Variants in KIF16B observed in about 807,000 individuals in gnomAD.
KIF16B encodes kinesin family member 16B.
Under a neutral mutation model 156.3 loss-of-function variants are expected in KIF16B, and 98 were observed. The ratio of observed to expected loss-of-function variants is 0.63; its 90% confidence interval spans 0.53 to 0.74. The LOEUF is 0.74. Ranked by LOEUF, KIF16B falls within the 30% of genes least tolerant of loss-of-function variation. The pLI is 0.00. For synonymous variants in KIF16B, 564 were observed against 583.7 expected (o/e 0.97, Z 0.49); for missense variants, 1,421 against 1,606.5 (o/e 0.88, Z 1.97).
rs752520933 is a variant in KIF16B at position 16,511,514 on chromosome 20, A to C, written c.460T>G (p.Tyr154Asp). The part of the protein sequence containing the change: ...FRTEVSYLEI[Y>D]NERVRDLLRR... ...AGTAGATCTCTCACACGTTCGTTATAAATTTCTAAGTAGCTAAAAATTTAA... is the reference window on the plus strand; with the variant it reads ...AGTAGATCTCTCACACGTTCGTTATCAATTTCTAAGTAGCTAAAAATTTAA... The change falls in exon 6 of 26, where the codon TAT becomes GAT. Residue 154 changes from tyrosine to aspartate, a missense_variant. Tyr to Asp is a radical substitution (Grantham distance 160). Transcript: ENST00000354981. The C allele has an allele frequency of 6.2e-7, 1 of 1,600,580 alleles. No homozygotes were observed. Among genetic ancestry groups the C allele is most frequent in the Non-Finnish European group, 8.5e-7 (1 of 1,173,148 alleles).
intron 25 of KIF16B, among the ~76,000 whole-genome samples, chr20:16,282,905 A>G (rs1274001348): frequency 6.6e-6 from 1 of 152,200 alleles, no homozygotes; most frequent in Admixed American, 6.5e-5. Flanking sequence ...GATGCTTATG[A>G]TGCCAGAGGA....
chr20:16,382,431 A>C (rs2065119892), intron 17 of KIF16B, among the ~76,000 whole-genome samples: 1 of 152,170 alleles, frequency 6.6e-6, no homozygotes, highest in South Asian at 2.1e-4. Flanking sequence ...TCAAACTAGC[A>C]CCTTTACTAC....
chr20:16,272,701 T>A lies in KIF16B; in HGVS notation c.*552A>T, dbSNP rs2063000850. ...CAGAATATGAAATTCTGTGTAAACATCAGTGTTTGGGTTTTATATAAAAGT... is the reference window on the plus strand; with the variant it reads ...CAGAATATGAAATTCTGTGTAAACAACAGTGTTTGGGTTTTATATAAAAGT... On this transcript the variant is annotated 3_prime_UTR_variant, in exon 26 of 26. Coordinates refer to ENST00000354981, the MANE Select transcript of KIF16B (RefSeq NM_024704.5). 1 of 152,726 alleles carries A rather than the reference T, an allele frequency of 6.5e-6. No individual in the cohort carries two copies. The highest frequency in any genetic ancestry group is 1.9e-4 in the East Asian group (1 of 5,196). 9.5% of individuals were successfully genotyped at this position (152,726 alleles called of 1,614,324 possible).
At chr20:16,406,275 G>T in intron 16 of KIF16B, 99 bp downstream of exon 16, 1 of 979,434 alleles carries the variant, frequency 1.0e-6, no homozygotes, top group Non-Finnish European at 1.6e-6. Context: ...CCACGGTTCT[G>T]CACCCCAGAA....
At chr20:16,490,856 C>T (rs1050137847) in intron 12 of KIF16B, among the ~76,000 whole-genome samples, 4 of 152,196 alleles carry the variant, frequency 2.6e-5, no homozygotes, top group African/African-American at 4.8e-5. Context: ...TAATCCCATA[C>T]ATTCTCACCG....
intron 1 of KIF16B, among the ~76,000 whole-genome samples, chr20:16,560,759 T>C (rs2071026601): frequency 6.6e-6 from 1 of 151,800 alleles, no homozygotes; most frequent in Non-Finnish European, 1.5e-5. Context: ...CACTCAAGCC[T>C]GGGTGACAAA....
chr20:16,367,088 A>G, intron 22 of KIF16B: 8 of 1,480,668 alleles, frequency 5.4e-6, no homozygotes, highest in Non-Finnish European at 7.2e-6. Flanking sequence ...TGTTTTCACA[A>G]TGCTTATTTT....
chr20:16,369,212 T>C (rs1430914948), intron 22 of KIF16B: 1 of 985,718 alleles, frequency 1.0e-6, no homozygotes, highest in Non-Finnish European at 1.2e-6. Flanking sequence ...GAAGTGTCAG[T>C]GGCATCTCTG....
chr20:16,512,447 T>C (rs570830955), intron 5 of KIF16B, among the ~76,000 whole-genome samples: 1 of 152,286 alleles, frequency 6.6e-6, no homozygotes, highest in Admixed American at 6.5e-5. Flanking sequence ...TCAGATTTAC[T>C]TGTAGATTAG....
rs1355804645 is a variant in KIF16B, at chr20:16,272,320, G to C, written c.*933C>G. 1 of 152,450 alleles carries C rather than the reference G, an allele frequency of 6.6e-6. No homozygotes were observed. Among genetic ancestry groups the C allele is most frequent in the Non-Finnish European group, 1.5e-5 (1 of 68,014 alleles). 9.4% of individuals were successfully genotyped at this position (152,450 alleles called of 1,614,324 possible). ...ACATTTTTCTCTTTAGTAAAACAAAGCAGTTTTACTGTACACAGAAGTGCA... is the reference window on the plus strand; with the variant it reads ...ACATTTTTCTCTTTAGTAAAACAAACCAGTTTTACTGTACACAGAAGTGCA... On this transcript the variant is annotated 3_prime_UTR_variant, in exon 26 of 26. Coordinates refer to ENST00000354981, the MANE Select transcript of KIF16B (RefSeq NM_024704.5).
intron 12 of KIF16B, among the ~76,000 whole-genome samples, chr20:16,454,985 G>C (rs1462495088): frequency 1.3e-5 from 2 of 152,162 alleles, no homozygotes. Context: ...AGCTTTCAGA[G>C]ATTTACAAGT....
At chr20:16,454,670 A>G (rs1398484302) in intron 12 of KIF16B, among the ~76,000 whole-genome samples, 1 of 152,200 alleles carries the variant, frequency 6.6e-6, no homozygotes, top group African/African-American at 2.4e-5. Context: ...GCTGTTATTA[A>G]GGAAGATTTG....
chr20:16,515,776 C>T (rs1256538442), intron 3 of KIF16B, 112 bp from the exon 4 acceptor site: 1 of 621,614 alleles, frequency 1.6e-6, no homozygotes, highest in East Asian at 2.8e-5. Flanking sequence ...AGGATTAGAC[C>T]ATATAAATAA....
chr20:16,317,040 T>G lies in KIF16B; in HGVS notation c.3712-4622A>C, dbSNP rs548633385. ...GAATTGTCTCTGACCTCTCTACTCA[T>G]GTCCCCCACACACCAACATCTTTTA... On this transcript the variant is annotated intron_variant, in intron 24 of 25. Coordinates refer to ENST00000354981, the MANE Select transcript of KIF16B (RefSeq NM_024704.5). 1.2e-3 allele frequency among the ~76,000 whole-genome samples: 190 copies of G among 152,372 alleles called. 1 individual carries two copies. Among genetic ancestry groups the G allele is most frequent in the African/African-American group, 4.1e-3 (170 of 41,596 alleles).
In KIF16B at chr20:16,372,927, A is replaced by G. The variant is rs1383683237; in HGVS notation, c.3351-1166T>C. Among the ~76,000 whole-genome samples, 3 of 152,078 alleles carry G rather than the reference A, an allele frequency of 2.0e-5. No homozygotes were observed. The South Asian group carries it at 6.2e-4, about 31-fold the overall frequency. The stretch of plus-strand genomic sequence containing the variant: ...TGGTCAGGCTGGTCTTGAACTCCTG[A>G]CCTCAGGTGATCTGCCTGGCTCGGC... On this transcript the variant is annotated intron_variant, in intron 20 of 25. Coordinates refer to ENST00000354981, the MANE Select transcript of KIF16B (RefSeq NM_024704.5).
intron 24 of KIF16B, among the ~76,000 whole-genome samples, chr20:16,328,459 A>G (rs2063893904): frequency 6.6e-6 from 1 of 152,170 alleles, no homozygotes; most frequent in South Asian, 2.1e-4. Flanking sequence ...TTGATTGTAC[A>G]TTTTAATACA....
intron 1 of KIF16B, among the ~76,000 whole-genome samples, chr20:16,570,830 C>A (rs2122221990): frequency 6.6e-6 from 1 of 152,316 alleles, no homozygotes; most frequent in East Asian, 1.9e-4. Flanking sequence ...AATCTTCTCC[C>A]TGAAATCCTA....
intron 1 of KIF16B, among the ~76,000 whole-genome samples, chr20:16,548,436 G>A (rs1426718126): frequency 6.6e-6 from 1 of 152,226 alleles, no homozygotes; most frequent in African/African-American, 2.4e-5. Context: ...TGGGCAGTAA[G>A]GAACCGGGCC....
At position 16,291,271 on chromosome 20, in the gene KIF16B, T is replaced by A. The variant is rs571762856; in HGVS notation, c.3796-17860A>T. Among the ~76,000 whole-genome samples the A allele has an allele frequency of 9.2e-5, 14 of 152,344 alleles. No individual in the cohort carries two copies. In the South Asian group the frequency reaches 2.7e-3, roughly 29 times the overall value. ...GAGAAGAAAGTCTATCAAATCTTAATTTGTGCTTCAAAGCCACACTCTAGA... is the reference window on the plus strand; with the variant it reads ...GAGAAGAAAGTCTATCAAATCTTAAATTGTGCTTCAAAGCCACACTCTAGA... On this transcript the variant is annotated intron_variant, in intron 25 of 25. Transcript: ENST00000354981.
Sources: allele counts gnomAD v4.1 joint callset (sites outside exome capture counted in the v4.1 genomes callset), GRCh38; gene constraint gnomAD v4.1.1; transcripts MANE v1.5; gene names NCBI Gene and HGNC (gene_info 2026-07-23, HGNC 2026-07-21).